The following AIG1 variants were observed in gnomAD, a reference collection of about 807,000 sequenced individuals.
The protein encoded by AIG1 is androgen induced 1.
A neutral mutation model predicts 31.4 loss-of-function variants in AIG1; 23 were observed. The observed-to-expected ratio is 0.73, with a 90% CI of 0.53 to 1.04. The LOEUF (loss-of-function observed/expected upper bound fraction) is 1.04, where lower values mean the gene tolerates loss of function less well. Among genes scored for constraint, AIG1 ranks in the 50% least tolerant of loss-of-function variants. The pLI is 0.00. For synonymous variants in AIG1, 100 were observed against 110.5 expected (o/e 0.90, Z 0.60); for missense variants, 274 against 295.0 (o/e 0.93, Z 0.52).
At chr6:143,222,843 A>G (rs1020980765) in intron 3 of AIG1, among the ~76,000 whole-genome samples, 2 of 152,334 alleles carry the variant, frequency 1.3e-5, no homozygotes. Context: ...ACAATCTGGA[A>G]AAAGTTCCAA....
At chr6:143,177,724 G>A (rs1255560769) in intron 3 of AIG1, among the ~76,000 whole-genome samples, 2 of 152,146 alleles carry the variant, frequency 1.3e-5, no homozygotes, top group African/African-American at 4.8e-5. Flanking sequence ...CACTGGAGTG[G>A]GCAGGTTCTC....
chr6:143,227,993 G>A (rs1793141404), intron 3 of AIG1, among the ~76,000 whole-genome samples: 1 of 152,092 alleles, frequency 6.6e-6, no homozygotes, highest in South Asian at 2.1e-4. Flanking sequence ...TCTCTGTAGT[G>A]AGTTCAAACA....
At chr6:143,301,231 G>A (rs372363792) in intron 4 of AIG1, among the ~76,000 whole-genome samples, 3 of 152,298 alleles carry the variant, frequency 2.0e-5, no homozygotes, top group East Asian at 3.9e-4. Context: ...AATGTTCAAG[G>A]CAGTCATTAA....
chr6:143,302,380 C>A (rs184364686), intron 4 of AIG1, among the ~76,000 whole-genome samples: 216 of 151,780 alleles, frequency 1.4e-3, no homozygotes, highest in African/African-American at 4.8e-3. Flanking sequence ...CCACTCCCCC[C>A]GACCCCACAA....
At chr6:143,343,848 G>T (rs549447912), downstream of AIG1, among the ~76,000 whole-genome samples, 1 of 152,264 alleles carries the variant, frequency 6.6e-6, no homozygotes, top group South Asian at 2.1e-4. Flanking sequence ...GTACCTATTA[G>T]TTGTTTTTAA....
intron 1 of AIG1, among the ~76,000 whole-genome samples, chr6:143,123,131 C>T (rs1001061706): frequency 6.6e-6 from 1 of 152,174 alleles, no homozygotes; most frequent in African/African-American, 2.4e-5. Context: ...CCTGGCTGTC[C>T]TTCTACCAGT....
intron 1 of AIG1, among the ~76,000 whole-genome samples, chr6:143,129,987 G>C (rs1423297354): frequency 6.7e-6 from 1 of 148,872 alleles, no homozygotes; most frequent in Non-Finnish European, 1.5e-5. Flanking sequence ...CTGGAGTGCA[G>C]TGGCATGATC....
In AIG1 at chr6:143,171,500, A is replaced by G. The variant is rs1787603841; in HGVS notation, c.399+6317A>G. 4.9e-5 allele frequency among the ~76,000 whole-genome samples: 6 copies of G among 122,972 alleles called. 1 individual carries two copies. The Admixed American group carries it at 5.7e-4, about 12-fold the overall frequency. 80.7% of individuals were successfully genotyped at this position (122,972 alleles called of 152,430 possible). ...ATAATATATATTAAATATATAATATATATTTAATATATATAATATATATAT... is the reference window on the plus strand; with the variant it reads ...ATAATATATATTAAATATATAATATGTATTTAATATATATAATATATATAT... On this transcript the variant is annotated intron_variant, in intron 3 of 5. Coordinates refer to ENST00000357847, the MANE Select transcript of AIG1 (RefSeq NM_016108.4).
intron 3 of AIG1, among the ~76,000 whole-genome samples, chr6:143,259,141 A>G (rs1473677651): frequency 1.3e-5 from 2 of 152,212 alleles, no homozygotes; most frequent in East Asian, 1.9e-4. Context: ...TGAAGGCAGC[A>G]TGAGGTCCTT....
At chr6:143,322,720 G>A (rs1196681967) in intron 4 of AIG1, among the ~76,000 whole-genome samples, 3 of 152,120 alleles carry the variant, frequency 2.0e-5, no homozygotes, top group Admixed American at 2.0e-4. Flanking sequence ...GGAGATTATT[G>A]GCCTCCTTTA....
intron 1 of AIG1, among the ~76,000 whole-genome samples, chr6:143,116,424 T>C (rs914174703): frequency 6.6e-6 from 1 of 152,038 alleles, no homozygotes; most frequent in Non-Finnish European, 1.5e-5. Flanking sequence ...CAAGTATTTA[T>C]TGAGTACCTG....
chr6:143,292,367 A>C lies in AIG1; in HGVS notation c.515+8142A>C, dbSNP rs1396972629. Reference sequence around the variant, plus strand: ...TCCTTAAGAGTGGAGAGCCATTCACAACTGTGGTCAGAGAGAGACATGACT... The same window carrying C: ...TCCTTAAGAGTGGAGAGCCATTCACCACTGTGGTCAGAGAGAGACATGACT... On this transcript the variant is annotated intron_variant, in intron 4 of 5. Coordinates refer to ENST00000357847, the MANE Select transcript of AIG1 (RefSeq NM_016108.4). The surrounding 1 kb of genome is among the most constrained non-coding windows in gnomAD (Gnocchi z 4.9). Among the ~76,000 whole-genome samples, 1 of 152,208 alleles carries C rather than the reference A, an allele frequency of 6.6e-6. No individual in the cohort carries two copies. The highest frequency in any genetic ancestry group is 1.5e-5 in the Non-Finnish European group (1 of 68,032).
intron 3 of AIG1, among the ~76,000 whole-genome samples, chr6:143,262,391 A>G (rs1019576073): frequency 6.6e-6 from 1 of 152,186 alleles, no homozygotes; most frequent in Admixed American, 6.5e-5. Flanking sequence ...TCTAACATAC[A>G]GCTCTGCCTT....
intron 4 of AIG1, among the ~76,000 whole-genome samples, chr6:143,295,472 A>G (rs1431790335): frequency 6.6e-6 from 1 of 152,118 alleles, no homozygotes; most frequent in Non-Finnish European, 1.5e-5. Context: ...TGGCCTCATC[A>G]TATTCCTCCT....
At position 143,161,827 on chromosome 6, in the gene AIG1, C is replaced by G. The variant is rs1786408878; in HGVS notation, c.298-3255C>G. Among the ~76,000 whole-genome samples the G allele has an allele frequency of 1.3e-5, 2 of 151,898 alleles. 1 individual carries two copies. The highest frequency in any genetic ancestry group is 2.9e-5 in the Non-Finnish European group (2 of 67,982). ...CTTGATAAAAGACAACTAAAAGAAG[C>G]CTGCAGCTAATATCAGACTTAAGTG... On this transcript the variant is annotated intron_variant, in intron 2 of 5. Coordinates refer to ENST00000357847, the MANE Select transcript of AIG1 (RefSeq NM_016108.4).
At chr6:143,204,699 G>T (rs1790971646) in intron 3 of AIG1, among the ~76,000 whole-genome samples, 1 of 152,136 alleles carries the variant, frequency 6.6e-6, no homozygotes, top group Non-Finnish European at 1.5e-5. Context: ...ACAATTGATA[G>T]AACGAGGTCC....
rs906670576 is a variant in AIG1, at chr6:143,328,610, A to G, written c.516-4672A>G. Among the ~76,000 whole-genome samples the G allele has an allele frequency of 6.6e-6, 1 of 152,156 alleles. No homozygotes were observed. The highest frequency in any genetic ancestry group is 6.6e-5 in the Admixed American group (1 of 15,262). On this transcript the variant is annotated intron_variant, in intron 4 of 5. Transcript: ENST00000357847. The surrounding 1 kb of genome is among the most constrained non-coding windows in gnomAD (Gnocchi z 4.0). The stretch of plus-strand genomic sequence containing the variant: ...AGCTCTGCCTCATTTACTTTTTTTC[A>G]TCGATGCATTATAGATGTACACAGT...
chr6:143,190,642 C>T (rs1397924458), intron 3 of AIG1: 5 of 981,738 alleles, frequency 5.1e-6, no homozygotes, highest in Non-Finnish European at 6.0e-6. Context: ...GAACAGGGGC[C>T]TTCTTTCCAA....
chr6:143,238,791 T>C (rs578255369), intron 3 of AIG1, among the ~76,000 whole-genome samples: 125 of 152,292 alleles, frequency 8.2e-4, no homozygotes, highest in African/African-American at 2.8e-3. Flanking sequence ...ACCTTTATTA[T>C]CTAAAAAGAT....
Sources: allele counts gnomAD v4.1 joint callset (sites outside exome capture counted in the v4.1 genomes callset), GRCh38; gene constraint gnomAD v4.1.1; non-coding constraint Gnocchi (gnomAD v3.1); transcripts MANE v1.5; gene names NCBI Gene and HGNC (gene_info 2026-07-23, HGNC 2026-07-21).